Variants in CHD6 observed in about 807,000 individuals in gnomAD.
CHD6 encodes the protein chromodomain helicase DNA binding protein 6.
Under a neutral mutation model 276.9 loss-of-function variants are expected in CHD6, and 50 were observed. The ratio of observed to expected loss-of-function variants is 0.18; its 90% CI spans 0.14 to 0.23. The LOEUF (loss-of-function observed/expected upper bound fraction) is 0.23, where lower values mean the gene tolerates loss of function less well. CHD6 is among the 10% of genes least tolerant of loss of function. The probability of loss-of-function intolerance (pLI) is 1.00; values close to 1 mark genes in which losing one functional copy is unlikely to be tolerated. For synonymous variants in CHD6, 1,173 were observed against 1,229.3 expected (o/e 0.95, Z 0.96); for missense variants, 2,564 against 3,365.8 (o/e 0.76, Z 5.89).
At chr20:41,615,420 A>C (rs1206202066) in intron 1 of CHD6, among the ~76,000 whole-genome samples, 1 of 152,116 alleles carries the variant, frequency 6.6e-6, no homozygotes, top group African/African-American at 2.4e-5. Flanking sequence ...TATTTCAAAG[A>C]GTTTTCAATA....
intron 1 of CHD6, among the ~76,000 whole-genome samples, chr20:41,571,211 G>A (rs988396189): frequency 5.3e-5 from 8 of 152,064 alleles, no homozygotes; most frequent in African/African-American, 1.7e-4. Flanking sequence ...GAAGACAGCA[G>A]TGATATTTTA....
chr20:41,473,985 T>C lies in CHD6; in HGVS notation c.2469-468A>G, dbSNP rs987276311. ...CAGCTACTTTAGGGTAAACCAGAAA[T>C]GGTAAGAAGATTAAACTGTGAGGCA... is the stretch of plus-strand genomic sequence containing the variant. On this transcript the variant is annotated intron_variant, in intron 16 of 36. Coordinates refer to ENST00000373233, the MANE Select transcript of CHD6 (RefSeq NM_032221.5). The surrounding 1 kb of genome is among the most constrained non-coding windows in gnomAD (Gnocchi z 4.1). 2.6e-5 allele frequency among the ~76,000 whole-genome samples: 4 copies of C among 152,082 alleles called. No homozygotes were observed. Among genetic ancestry groups the C allele is most frequent in the South Asian group, 2.1e-4 (1 of 4,820 alleles).
Position 41,415,491 on chromosome 20 carries a change from G to T in CHD6, c.6634C>A (p.His2212Asn). 6.2e-7 allele frequency: 1 copy of T among 1,613,872 alleles called. No homozygotes were observed. Among genetic ancestry groups the T allele is most frequent in the Admixed American group, 1.7e-5 (1 of 59,978 alleles). ...GAGAGGTCCATAGCTGACTCCCCAT[G>T]CCAGCCATTGAGGATGATAGGGGTG... Reference protein sequence around the residue: ...GHTPIILNGWHGESAMDLSCS... With the variant: ...GHTPIILNGWNGESAMDLSCS... Residue 2212 changes from histidine (H) to asparagine (N), a missense_variant, in exon 34 of 37, where the codon CAT becomes AAT. This residue lies in a region of CHD6 where 1,024 missense variants were observed against 1,047.9 expected (regional missense o/e 0.98). Transcript: ENST00000373233.
At chr20:41,482,561 G>A (rs376588580) in intron 16 of CHD6, 3 of 512,330 alleles carry the variant, frequency 5.9e-6, no homozygotes, top group Admixed American at 2.0e-5. Context: ...ACTTAGCAAT[G>A]CCTAGGCTAC....
At chr20:41,468,308 C>T (rs1053954608) in intron 17 of CHD6, among the ~76,000 whole-genome samples, 11 of 152,056 alleles carry the variant, frequency 7.2e-5, no homozygotes, top group Admixed American at 6.6e-4. Context: ...CAGCATTTCA[C>T]GATATTGGCC....
Position 41,487,763 on chromosome 20 carries a change from CCA to C in CHD6, c.1901_1902del (p.Val634GlyfsTer52). On this transcript the variant is annotated frameshift_variant, in exon 14 of 37. Coordinates refer to ENST00000373233, the MANE Select transcript of CHD6 (RefSeq NM_032221.5). LOFTEE classifies it high-confidence loss of function. ...LLTGTPLQNS[V>X]EELFSLLNFL... ...AAATTTAACAAACTGAAGAGCTCCTCCACAGAGTTCTGCAAGGGTGTTCCAGT... is the reference window on the plus strand; with the variant it reads ...AAATTTAACAAACTGAAGAGCTCCTCCAGAGTTCTGCAAGGGTGTTCCAGT... 1 of 1,611,690 alleles carries C rather than the reference CCA, an allele frequency of 6.2e-7. No individual in the cohort carries two copies. Among genetic ancestry groups the C allele is most frequent in the Non-Finnish European group, 8.5e-7 (1 of 1,179,320 alleles).
chr20:41,563,932 G>C, intron 1 of CHD6: 1 of 670,386 alleles, frequency 1.5e-6, no homozygotes. Context: ...TATATATTCA[G>C]TTTCAAGAGG....
rs1209406842 is a variant in CHD6 at position 41,483,447 on chromosome 20, G to A, written c.2330C>T (p.Ala777Val). ...AAGCTTTCCTGCTGCCTGAATCATG[G>A]CCTGCAGCTGAAAGTCAGGGGCATC... is the stretch of plus-strand genomic sequence containing the variant. ...SPDAPDFQLQ[A>V]MIQAAGKLVL... The change falls in exon 16 of 37, where the codon GCC (alanine) becomes GTC (valine). Residue 777 changes from alanine to valine, a missense_variant. This residue lies in a region of CHD6 where 457 missense variants were observed against 889.0 expected (regional missense o/e 0.51). Transcript: ENST00000373233. The A allele has an allele frequency of 1.2e-6, 2 of 1,613,730 alleles. No homozygotes were observed. The highest frequency in any genetic ancestry group is 1.7e-6 in the Non-Finnish European group (2 of 1,179,848).
In CHD6 at chr20:41,474,374, C is replaced by T. The variant is rs149918339; in HGVS notation, c.2469-857G>A. Among the ~76,000 whole-genome samples, 427 of 152,248 alleles carry T rather than the reference C, an allele frequency of 2.8e-3. 1 individual carries two copies. Among genetic ancestry groups the T allele is most frequent in the African/African-American group, 9.6e-3 (397 of 41,544 alleles). On this transcript the variant is annotated intron_variant, in intron 16 of 36. Coordinates refer to ENST00000373233, the MANE Select transcript of CHD6 (RefSeq NM_032221.5). The stretch of plus-strand genomic sequence containing the variant: ...AGAGGGAAAACAGAAGAGACCTTTA[C>T]GTTGGAGATCATGGGATTAACACAG...
intron 27 of CHD6, among the ~76,000 whole-genome samples, chr20:41,437,010 A>T (rs1490904304): frequency 6.6e-6 from 1 of 152,176 alleles, no homozygotes; most frequent in Non-Finnish European, 1.5e-5. Context: ...CTACGAGGGG[A>T]AACTGGATAA....
At chr20:41,448,413 AAT>A (rs2048134602) in intron 23 of CHD6, among the ~76,000 whole-genome samples, 1 of 152,198 alleles carries the variant, frequency 6.6e-6, no homozygotes, top group South Asian at 2.1e-4. Context: ...TTTTCGTGGC[AAT>A]ATGTCTTCTC....
chr20:41,415,236 C>T lies in CHD6; in HGVS notation c.6889G>A (p.Gly2297Arg), dbSNP rs2046958083. The part of the protein sequence containing the change: ...RRGRRKHVEG[G>R]MDLIFLKEQT... ...TCCTTCAAAAAGATGAGGTCCATCCCTCCTTCAACATGTTTCCGCCTCCCT... is the reference window on the plus strand; with the variant it reads ...TCCTTCAAAAAGATGAGGTCCATCCTTCCTTCAACATGTTTCCGCCTCCCT... The change falls in exon 34 of 37, where the codon GGG becomes AGG. Residue 2297 changes from glycine (G) to arginine (R), a missense_variant. Transcript: ENST00000373233. 6.2e-7 allele frequency: 1 copy of T among 1,614,204 alleles called. No homozygotes were observed.
intron 1 of CHD6, among the ~76,000 whole-genome samples, chr20:41,557,922 T>C (rs1360775499): frequency 6.6e-6 from 1 of 152,180 alleles, no homozygotes; most frequent in African/African-American, 2.4e-5. Flanking sequence ...TTGTTTCCTA[T>C]GAACCACTCT....
At chr20:41,501,895 A>T (rs1352881048) in intron 5 of CHD6, among the ~76,000 whole-genome samples, 1 of 151,556 alleles carries the variant, frequency 6.6e-6, no homozygotes, top group Non-Finnish European at 1.5e-5. Context: ...CTGATAACAG[A>T]GGATGCTGTG....
rs150719896 is a variant in CHD6 at position 41,420,745 on chromosome 20, T to C, written c.5890A>G (p.Ile1964Val). 1.9e-6 allele frequency: 3 copies of C among 1,614,138 alleles called. No homozygotes were observed. The African/African-American group carries it at 4.0e-5, about 22-fold the overall frequency. ...EFEIEKPKAY[I>V]PDLFKSKTNT... ...GTTTTACTTTTGAACAGATCTGGGA[T>C]ATAAGCCTTGGGTTTCTCGATTTCA... is the stretch of plus-strand genomic sequence containing the variant. The change falls in exon 31 of 37, where the codon ATC (isoleucine) becomes GTC (valine). Residue 1964 changes from isoleucine to valine, a missense_variant. This residue lies in a region of CHD6 where 1,024 missense variants were observed against 1,047.9 expected (regional missense o/e 0.98). Coordinates refer to ENST00000373233, the MANE Select transcript of CHD6 (RefSeq NM_032221.5).
chr20:41,584,531 T>C (rs1363423194), intron 1 of CHD6, among the ~76,000 whole-genome samples: 1 of 152,138 alleles, frequency 6.6e-6, no homozygotes, highest in East Asian at 1.9e-4. Context: ...ATACATTCTT[T>C]TCAAGTGAAC....
intron 1 of CHD6, among the ~76,000 whole-genome samples, chr20:41,586,147 T>C (rs1220560579): frequency 6.6e-6 from 1 of 152,120 alleles, no homozygotes; most frequent in African/African-American, 2.4e-5. Context: ...TCCCCTCCCA[T>C]TGTATGGGAG....
chr20:41,617,972 C>T (rs1193959363), intron 1 of CHD6, among the ~76,000 whole-genome samples: 1 of 146,574 alleles, frequency 6.8e-6, no homozygotes, highest in Non-Finnish European at 1.5e-5. Context: ...CACGCCCCGC[C>T]CCCGCCCGCC....
chr20:41,464,288 A>C (rs2042869307), intron 17 of CHD6, among the ~76,000 whole-genome samples: 1 of 152,202 alleles, frequency 6.6e-6, no homozygotes, highest in South Asian at 2.1e-4. Context: ...AACCACACTG[A>C]AGCAGGTCGT....
Sources: gnomAD v4.1 joint callset for allele counts (sites outside exome capture counted in the v4.1 genomes callset) on GRCh38, gnomAD v4.1.1 for gene constraint, gnomAD v4.1.1 regional missense constraint, Gnocchi (gnomAD v3.1) non-coding constraint, MANE v1.5 for transcripts, NCBI Gene and HGNC (gene_info 2026-07-23, HGNC 2026-07-21) for gene names.